Variants in DLGAP1 observed in about 807,000 individuals in gnomAD.
DLGAP1 encodes the protein DLG associated protein 1.
A neutral mutation model predicts 90.8 loss-of-function variants in DLGAP1; 11 were observed. That is an observed-to-expected ratio of 0.12 (90% confidence interval 0.08 to 0.20). DLGAP1 has a LOEUF of 0.20. DLGAP1 is among the 10% of genes least tolerant of loss of function. The pLI is 1.00. For synonymous variants in DLGAP1, 558 were observed against 540.7 expected (o/e 1.03, Z -0.44); for missense variants, 1,050 against 1,333.8 (o/e 0.79, Z 3.31).
intron 2 of DLGAP1, among the ~76,000 whole-genome samples, chr18:4,015,188 G>A (rs1386112336): frequency 4.6e-5 from 7 of 152,126 alleles, no homozygotes; most frequent in African/African-American, 1.7e-4. Context: ...CAGAGATAAT[G>A]GTGTGTATAA....
intron 3 of DLGAP1, among the ~76,000 whole-genome samples, chr18:3,952,650 A>ATGT (rs1458336472): frequency 6.6e-6 from 1 of 152,250 alleles, no homozygotes; most frequent in African/African-American, 2.4e-5. Context: ...AAAAGGGTAA[A>ATGT]TGTTAATCAT....
At chr18:4,023,254 C>T (rs1292078073) in intron 2 of DLGAP1, among the ~76,000 whole-genome samples, 3 of 151,826 alleles carry the variant, frequency 2.0e-5, no homozygotes, top group Non-Finnish European at 4.4e-5. Context: ...TATTTTTTTT[C>T]TTTAGGTTTT....
In DLGAP1 at chr18:3,609,372, G is replaced by A. The variant is rs146217764; in HGVS notation, c.1592-27124C>T. Among the ~76,000 whole-genome samples, 301 of 152,266 alleles carry A rather than the reference G, an allele frequency of 2.0e-3. 3 individuals carry two copies. The highest frequency in any genetic ancestry group is 7.0e-3 in the African/African-American group (290 of 41,558). On this transcript the variant is annotated intron_variant, in intron 7 of 12. Transcript: ENST00000315677. Reference sequence around the variant, plus strand: ...CTGAGTCTTCCTTTGGAAGGCTGCTGTATCATGTGAAACTTATGTTAAATA... The same window carrying A: ...CTGAGTCTTCCTTTGGAAGGCTGCTATATCATGTGAAACTTATGTTAAATA...
rs141247811 is a variant in DLGAP1, at chr18:3,777,517, T to C, written c.1173-35005A>G. 1.9e-3 allele frequency among the ~76,000 whole-genome samples: 296 copies of C among 152,372 alleles called. 1 individual carries two copies. The highest frequency in any genetic ancestry group is 3.1e-3 in the Non-Finnish European group (210 of 68,044). ...GGTTATATAAGTTTATATCTTAAAA[T>C]AAATTTCTTAGAGCTCTGTTTGTTA... On this transcript the variant is annotated intron_variant, in intron 5 of 12. Transcript: ENST00000315677.
At chr18:4,263,451 A>AT (rs1338678629) in intron 1 of DLGAP1, among the ~76,000 whole-genome samples, 1 of 152,174 alleles carries the variant, frequency 6.6e-6, no homozygotes, top group Non-Finnish European at 1.5e-5. Flanking sequence ...TTTTAAAATA[A>AT]TTTTTAAGTA....
At chr18:4,292,529 ATAT>A (rs1482597930) in intron 1 of DLGAP1, among the ~76,000 whole-genome samples, 1 of 152,138 alleles carries the variant, frequency 6.6e-6, no homozygotes, top group East Asian at 1.9e-4. Context: ...ATCTTTGCTC[ATAT>A]TATAATATAC....
At chr18:4,179,797 C>T (rs759074975) in intron 1 of DLGAP1, among the ~76,000 whole-genome samples, 5 of 152,190 alleles carry the variant, frequency 3.3e-5, no homozygotes, top group Non-Finnish European at 7.3e-5. Context: ...TTGAAATCTT[C>T]TCCCAGTAAC....
chr18:4,284,519 G>A (rs1296182873), intron 1 of DLGAP1, among the ~76,000 whole-genome samples: 27 of 152,290 alleles, frequency 1.8e-4, no homozygotes, highest in Non-Finnish European at 1.5e-5. Flanking sequence ...TTTAGAAGGT[G>A]TGTCACGGGC....
Position 3,508,556 on chromosome 18 carries a change from A to G in DLGAP1, c.2571+14T>C. The stretch of plus-strand genomic sequence containing the variant: ...GCACTAGCAGGGAAATTGTAGAAGG[A>G]GAGTGTTACCTACCAGGTTTTCTTC... On this transcript the variant is annotated intron_variant, in intron 11 of 12. Transcript: ENST00000315677. 6.3e-7 allele frequency: 1 copy of G among 1,592,644 alleles called. No individual in the cohort carries two copies. The highest frequency in any genetic ancestry group is 8.6e-7 in the Non-Finnish European group (1 of 1,165,186).
intron 9 of DLGAP1, among the ~76,000 whole-genome samples, chr18:3,550,840 C>G (rs542116895): frequency 6.9e-6 from 1 of 145,890 alleles, no homozygotes; most frequent in East Asian, 2.1e-4. Flanking sequence ...CTCCTGGGCT[C>G]AAGTGATTCT....
intron 5 of DLGAP1, among the ~76,000 whole-genome samples, chr18:3,750,739 A>G (rs1248633213): frequency 6.6e-6 from 1 of 152,118 alleles, no homozygotes; most frequent in Non-Finnish European, 1.5e-5. Context: ...CTGATTTTCC[A>G]GTCTCCTCGT....
At chr18:4,083,941 C>T (rs1170172104) in intron 2 of DLGAP1, among the ~76,000 whole-genome samples, 1 of 152,102 alleles carries the variant, frequency 6.6e-6, no homozygotes, top group African/African-American at 2.4e-5. Context: ...TTTCTGTTTC[C>T]CGGGGTTCTT....
chr18:4,450,939 A>G (rs1465517424), intron 1 of DLGAP1, among the ~76,000 whole-genome samples: 1 of 152,220 alleles, frequency 6.6e-6, no homozygotes, highest in Admixed American at 6.5e-5. Context: ...CTATCCAAGA[A>G]AAAGTCCAAG....
At chr18:4,259,558 T>C (rs2078964163) in intron 1 of DLGAP1, among the ~76,000 whole-genome samples, 1 of 152,176 alleles carries the variant, frequency 6.6e-6, no homozygotes, top group Admixed American at 6.5e-5. Context: ...AGGCTTAGTT[T>C]CTGGGTCTGC....
chr18:4,307,410 G>A (rs1368915254), intron 1 of DLGAP1, among the ~76,000 whole-genome samples: 1 of 152,098 alleles, frequency 6.6e-6, no homozygotes, highest in African/African-American at 2.4e-5. Flanking sequence ...CCTTTGAAAT[G>A]CATTGATTTA....
rs1181886245 is a variant in DLGAP1 at position 3,499,531 on chromosome 18, CT to C, written c.2725-138del. ...TTCTGATCTGCACACTGCATATCTA[CT>C]TTTTTCTTCATTATTCTGGCTTGGG... is the stretch of plus-strand genomic sequence containing the variant. On this transcript the variant is annotated intron_variant, in intron 12 of 12. Coordinates refer to ENST00000315677, the MANE Select transcript of DLGAP1 (RefSeq NM_004746.4). This position sits in a 1 kb window ranked among gnomAD's most constrained non-coding sequence, Gnocchi z 6.4. The C allele has an allele frequency of 3.6e-6, 3 of 834,284 alleles. No individual in the cohort carries two copies. The highest frequency in any genetic ancestry group is 5.4e-6 in the Non-Finnish European group (3 of 558,884). 51.7% of individuals were successfully genotyped at this position (834,284 alleles called of 1,614,324 possible). A position where few individuals can be genotyped will look rare whatever the true frequency, so the allele number is the denominator to read the frequency against.
In DLGAP1 at chr18:4,369,147, T is replaced by C. The variant is rs1001920793; in HGVS notation, c.-267+85859A>G. 3.3e-5 allele frequency among the ~76,000 whole-genome samples: 5 copies of C among 152,328 alleles called. No homozygotes were observed. The East Asian group carries it at 9.6e-4, about 29-fold the overall frequency. On this transcript the variant is annotated intron_variant, in intron 1 of 12. Transcript: ENST00000315677. ...AGCCAGAAATAGAGCTGCCTCTCCTTATATCTGAGATGTACTCTTCAGTTG... is the reference window on the plus strand; with the variant it reads ...AGCCAGAAATAGAGCTGCCTCTCCTCATATCTGAGATGTACTCTTCAGTTG...
intron 4 of DLGAP1, among the ~76,000 whole-genome samples, chr18:3,867,549 C>T (rs566462057): frequency 6.6e-6 from 1 of 151,956 alleles, no homozygotes; most frequent in African/African-American, 2.4e-5. Flanking sequence ...GATCAGTGAA[C>T]GAAGAAATTA....
chr18:4,128,272 A>G (rs2076260670), intron 2 of DLGAP1, among the ~76,000 whole-genome samples: 1 of 152,166 alleles, frequency 6.6e-6, no homozygotes, highest in Non-Finnish European at 1.5e-5. Flanking sequence ...TAAGATTTAC[A>G]TTGTACTATG....
Sources: gnomAD v4.1 joint callset for allele counts (sites outside exome capture counted in the v4.1 genomes callset) on GRCh38, gnomAD v4.1.1 for gene constraint, Gnocchi (gnomAD v3.1) non-coding constraint, MANE v1.5 for transcripts, NCBI Gene and HGNC (gene_info 2026-07-23, HGNC 2026-07-21) for gene names.